The following LCLAT1 variants were observed in gnomAD, a reference collection of about 807,000 sequenced individuals.
The protein encoded by LCLAT1 is 1-AGP acyltransferase 8.
LCLAT1 carries 11 observed loss-of-function variants against 30.7 expected under a neutral mutation model. The observed-to-expected ratio is 0.36, with a 90% CI of 0.23 to 0.59. The LOEUF (loss-of-function observed/expected upper bound fraction) is 0.59, where lower values mean the gene tolerates loss of function less well. Among genes scored for constraint, LCLAT1 ranks in the 20% least tolerant of loss-of-function variants. LCLAT1 has a pLI of 0.77. For missense variants in LCLAT1, 402 were observed against 458.6 expected (o/e 0.88, Z 1.13); for synonymous variants, 155 against 151.3 (o/e 1.02, Z -0.18).
rs546134999 is a variant in LCLAT1, at chr2:30,468,104, A to G, written c.-5+20721A>G. Among the ~76,000 whole-genome samples the G allele has an allele frequency of 2.8e-4, 43 of 152,284 alleles. No individual in the cohort carries two copies. The South Asian group carries it at 6.4e-3, about 23-fold the overall frequency. ...CATTTAAGTCTTTAATCCGTCTTGA[A>G]TTAATTTTTGTATAAGGTGTAAGGA... On this transcript the variant is annotated intron_variant, in intron 1 of 5. Coordinates refer to ENST00000379509, the MANE Select transcript of LCLAT1 (RefSeq NM_001002257.3).
intron 5 of LCLAT1, among the ~76,000 whole-genome samples, chr2:30,622,085 C>T (rs1379713854): frequency 6.6e-6 from 1 of 152,148 alleles, no homozygotes. Context: ...TGAGGGGACA[C>T]GGCAAGAGTG....
intron 1 of LCLAT1, among the ~76,000 whole-genome samples, chr2:30,515,364 CACTTG>C (rs1337457892): frequency 2.0e-5 from 3 of 152,214 alleles, no homozygotes; most frequent in African/African-American, 7.2e-5. Context: ...TAGTTGCTAA[CACTTG>C]ACTTGTTATG....
At chr2:30,452,759 T>C (rs1310024521) in intron 1 of LCLAT1, among the ~76,000 whole-genome samples, 1 of 152,212 alleles carries the variant, frequency 6.6e-6, no homozygotes, top group Admixed American at 6.5e-5. Context: ...TTCCTTTGGC[T>C]GCAGGATTTT....
chr2:30,537,521 TACACACAC>T (rs58394759), intron 3 of LCLAT1, among the ~76,000 whole-genome samples: 9 of 149,106 alleles, frequency 6.0e-5, no homozygotes, highest in East Asian at 2.0e-4. Flanking sequence ...CAATTGTAAA[TACACACAC>T]ACACACACAC....
intron 5 of LCLAT1, among the ~76,000 whole-genome samples, chr2:30,608,553 T>G (rs1354673438): frequency 6.6e-6 from 1 of 152,026 alleles, no homozygotes; most frequent in Non-Finnish European, 1.5e-5. Context: ...TACTATTTTT[T>G]ATCTTTTATA....
chr2:30,609,413 G>A (rs1667624530), intron 5 of LCLAT1, among the ~76,000 whole-genome samples: 1 of 152,046 alleles, frequency 6.6e-6, no homozygotes, highest in Admixed American at 6.6e-5. Flanking sequence ...TTTGGTGTGA[G>A]GATCTGGTTT....
chr2:30,515,078 T>G (rs763662016), intron 1 of LCLAT1, among the ~76,000 whole-genome samples: 4 of 152,144 alleles, frequency 2.6e-5, no homozygotes, highest in Non-Finnish European at 4.4e-5. Flanking sequence ...CTCAGTAATA[T>G]GAGTTTAAAA....
intron 1 of LCLAT1, among the ~76,000 whole-genome samples, chr2:30,487,768 C>T (rs1442582769): frequency 1.3e-5 from 2 of 152,032 alleles, no homozygotes; most frequent in Non-Finnish European, 2.9e-5. Context: ...GAGAGTGACT[C>T]TTGGGCTAAG....
At chr2:30,456,297 T>G (rs1025703072) in intron 1 of LCLAT1, among the ~76,000 whole-genome samples, 10 of 152,294 alleles carry the variant, frequency 6.6e-5, no homozygotes, top group East Asian at 5.8e-4. Flanking sequence ...CTGCTAGGCC[T>G]CCTCTGATAC....
At chr2:30,485,281 A>G (rs72856616) in intron 1 of LCLAT1, among the ~76,000 whole-genome samples, 3,662 of 152,258 alleles carry the variant, frequency 0.024, 132 homozygotes, top group African/African-American at 0.082. Context: ...TATATAGCTA[A>G]CGTTTACATG....
At chr2:30,603,748 GATTATAGTC>G (rs1261944962) in intron 5 of LCLAT1, among the ~76,000 whole-genome samples, 1 of 152,136 alleles carries the variant, frequency 6.6e-6, no homozygotes, top group Non-Finnish European at 1.5e-5. Context: ...ATGCATGTAA[GATTATAGTC>G]CTGATCAGAG....
At chr2:30,579,926 G>C (rs1180593089) in intron 5 of LCLAT1, among the ~76,000 whole-genome samples, 2 of 152,026 alleles carry the variant, frequency 1.3e-5, no homozygotes, top group Non-Finnish European at 2.9e-5. Context: ...TTAGAATAAG[G>C]CTTTAGCATC....
intron 5 of LCLAT1, among the ~76,000 whole-genome samples, chr2:30,625,380 A>G (rs1007048350): frequency 2.0e-5 from 3 of 152,218 alleles, no homozygotes; most frequent in African/African-American, 2.4e-5. Context: ...AAATAAGCTC[A>G]GTTAGAAATG....
chr2:30,504,724 C>T (rs1484102667), intron 1 of LCLAT1, among the ~76,000 whole-genome samples: 1 of 151,996 alleles, frequency 6.6e-6, no homozygotes, highest in African/African-American at 2.4e-5. Context: ...CCCTTCTTTC[C>T]TTTTAACCCT....
At chr2:30,468,410 G>T (rs531275136) in intron 1 of LCLAT1, among the ~76,000 whole-genome samples, 39 of 152,258 alleles carry the variant, frequency 2.6e-4, no homozygotes, top group African/African-American at 9.1e-4. Flanking sequence ...TTTGGCTTAG[G>T]ATTGACTTGG....
rs573094228 is a variant in LCLAT1, at chr2:30,503,257, C to G, written c.-4-22330C>G. Among the ~76,000 whole-genome samples the G allele has an allele frequency of 6.6e-5, 10 of 152,280 alleles. No homozygotes were observed. In the South Asian group the frequency reaches 2.1e-3, roughly 32 times the overall value. Reference sequence around the variant, plus strand: ...TAGATGCCTGCCTGTTTTTTCACTTCATCTTGTCTGGGCCAGATCCTGTTT... The same window carrying G: ...TAGATGCCTGCCTGTTTTTTCACTTGATCTTGTCTGGGCCAGATCCTGTTT... On this transcript the variant is annotated intron_variant, in intron 1 of 5. Coordinates refer to ENST00000379509, the MANE Select transcript of LCLAT1 (RefSeq NM_001002257.3).
rs1161835168 is a variant in LCLAT1 at position 30,622,656 on chromosome 2, G to C, written c.629-17461G>C. Among the ~76,000 whole-genome samples, 2 of 152,254 alleles carry C rather than the reference G, an allele frequency of 1.3e-5. 1 individual carries two copies. The highest frequency in any genetic ancestry group is 4.1e-4 in the South Asian group (2 of 4,826). ...ACTCTGCAAACACTCCCAGTCACCA[G>C]CCGGAAGCCTGGTAGCTCCGCTGGT... On this transcript the variant is annotated intron_variant, in intron 5 of 5. Transcript: ENST00000379509.
chr2:30,569,982 T>C (rs904496882), intron 5 of LCLAT1, among the ~76,000 whole-genome samples: 1 of 151,990 alleles, frequency 6.6e-6, no homozygotes, highest in Non-Finnish European at 1.5e-5. Context: ...TTTTTTAATT[T>C]GATACCATTT....
intron 1 of LCLAT1, among the ~76,000 whole-genome samples, chr2:30,467,450 C>T (rs200412843): frequency 7.0e-6 from 1 of 143,440 alleles, no homozygotes; most frequent in Non-Finnish European, 1.5e-5. Context: ...TGGGTATATA[C>T]CCAGTAATGG....
Sources: gnomAD v4.1 joint callset for allele counts (sites outside exome capture counted in the v4.1 genomes callset) on GRCh38, gnomAD v4.1.1 for gene constraint, MANE v1.5 for transcripts, NCBI Gene and HGNC (gene_info 2026-07-23, HGNC 2026-07-21) for gene names.